The following ZNF813 variants were observed in gnomAD, a reference collection of about 807,000 sequenced individuals.
The protein encoded by ZNF813 is zinc finger protein 813.
Under a neutral mutation model 7.2 loss-of-function variants are expected in ZNF813, and 3 were observed. The observed-to-expected ratio is 0.42, with a 90% CI of 0.19 to 1.08. ZNF813 has a LOEUF of 1.08. ZNF813 is among the 50% of genes least tolerant of loss of function. The pLI is 0.30. For synonymous variants in ZNF813, 227 were observed against 256.3 expected (o/e 0.89, Z 1.09); for missense variants, 714 against 753.3 (o/e 0.95, Z 0.61).
At chr19:53,479,703 A>G in intron 1 of ZNF813, 3 of 1,152,344 alleles carry the variant, frequency 2.6e-6, no homozygotes, top group Non-Finnish European at 3.9e-6. Flanking sequence ...CACATTGCAG[A>G]TGAGGCAGAT....
At chr19:53,467,888 C>T (rs2086335128) in intron 1 of ZNF813, 99 bp downstream of exon 1, 1 of 152,652 alleles carries the variant, frequency 6.6e-6, no homozygotes, top group African/African-American at 2.4e-5. Context: ...AAATTCTCAG[C>T]CGTCTTCCTT....
rs1377923137 is a variant in ZNF813 at position 53,496,239 on chromosome 19, AAAG to A, written c.*4154_*4156del. On this transcript the variant is annotated 3_prime_UTR_variant, in exon 4 of 4. Transcript: ENST00000396403. The stretch of plus-strand genomic sequence containing the variant: ...GTGAGACTTTTCATTTCAAAATAAA[AAAG>A]GCAAATGATGTAATTGCATAGAGTA... 6.5e-6 allele frequency: 1 copy of A among 153,362 alleles called. No homozygotes were observed. The highest frequency in any genetic ancestry group is 1.5e-5 in the Non-Finnish European group (1 of 68,860). The allele number at this position is 153,362 out of a possible 1,614,324, so 9.5% of individuals were successfully genotyped here.
At chr19:53,488,352 G>T in intron 3 of ZNF813, 3 of 412,330 alleles carry the variant, frequency 7.3e-6, no homozygotes, top group South Asian at 5.1e-5. Context: ...CTTTACTGGA[G>T]AACTTTATAT....
chr19:53,485,978 A>G (rs994538717), intron 2 of ZNF813, among the ~76,000 whole-genome samples: 3 of 152,102 alleles, frequency 2.0e-5, no homozygotes, highest in African/African-American at 7.2e-5. Context: ...GGATCATTGC[A>G]ACCTCTGCCT....
In ZNF813 at chr19:53,491,433, C is replaced by T. The variant is rs200407891; in HGVS notation, c.1201C>T (p.His401Tyr). 1 of 1,614,086 alleles carries T rather than the reference C, an allele frequency of 6.2e-7. No homozygotes were observed. Among genetic ancestry groups the T allele is most frequent in the East Asian group, 2.2e-5 (1 of 44,870 alleles). Residue 401 changes from histidine (H) to tyrosine (Y), a missense_variant, in exon 4 of 4, where the codon CAT becomes TAT. Physicochemically the swap from His to Tyr is moderately conservative, Grantham distance 83. Around this residue, in one of 3 missense-constraint regions of ZNF813, gnomAD observed 563 missense variants for 554.2 expected, o/e 1.02. Coordinates refer to ENST00000396403, the MANE Select transcript of ZNF813 (RefSeq NM_001004301.4). ...CAGTCAGGAGTTAACCCTTAAATGC[C>T]ATCGTAGACTTCATACCGGAGAGAA... ...TFSQELTLKC[H>Y]RRLHTGEKPY...
rs573487314 is a variant in ZNF813, at chr19:53,494,597, T to G, written c.*2511T>G. 5 of 151,110 alleles carry G rather than the reference T, an allele frequency of 3.3e-5. No individual in the cohort carries two copies. The South Asian group carries it at 1.0e-3, about 32-fold the overall frequency. The allele number at this position is 151,110 out of a possible 1,614,324, so 9.4% of individuals were successfully genotyped here. On this transcript the variant is annotated 3_prime_UTR_variant, in exon 4 of 4. Coordinates refer to ENST00000396403, the MANE Select transcript of ZNF813 (RefSeq NM_001004301.4). The stretch of plus-strand genomic sequence containing the variant: ...GGCAGAGATTGCTGTGAGCCGAGAT[T>G]GCACCATTGCACTCCAGCCTGGTCA...
intron 3 of ZNF813, among the ~76,000 whole-genome samples, chr19:53,487,079 G>A (rs2086438258): frequency 6.7e-6 from 1 of 150,302 alleles, no homozygotes; most frequent in East Asian, 2.0e-4. Flanking sequence ...AGCCTCCTGA[G>A]TAACTGGGAT....
Position 53,490,992 on chromosome 19 carries a change from C to G in ZNF813, c.760C>G (p.Arg254Gly). Residue 254 changes from arginine (R) to glycine (G), a missense_variant, in exon 4 of 4, where the codon CGG (arginine) becomes GGG (glycine). By Grantham distance (125) the Arg-to-Gly change is moderately radical. Around this residue, in one of 3 missense-constraint regions of ZNF813, gnomAD observed 563 missense variants for 554.2 expected, o/e 1.02. Transcript: ENST00000396403. ...KCDVCGKVFN[R>G]KRNLVCHRRC... ...TGATGTATGTGGCAAGGTCTTTAAT[C>G]GGAAGCGAAACCTAGTGTGCCATCG... is the stretch of plus-strand genomic sequence containing the variant. The G allele has an allele frequency of 6.2e-7, 1 of 1,614,110 alleles. No individual in the cohort carries two copies. Among genetic ancestry groups the G allele is most frequent in the Non-Finnish European group, 8.5e-7 (1 of 1,180,014 alleles).
intron 1 of ZNF813, among the ~76,000 whole-genome samples, chr19:53,475,380 G>C (rs1160622116): frequency 6.6e-6 from 1 of 152,278 alleles, no homozygotes; most frequent in Admixed American, 6.5e-5. Flanking sequence ...TGAAGTACTT[G>C]ACATCTGGGT....
chr19:53,490,766 A>C lies in ZNF813; in HGVS notation c.534A>C (p.Gln178His). 1 of 1,614,208 alleles carries C rather than the reference A, an allele frequency of 6.2e-7. No individual in the cohort carries two copies. The highest frequency in any genetic ancestry group is 8.5e-7 in the Non-Finnish European group (1 of 1,180,032). ...INDASSISTS[Q>H]RISCRPKTHI... is the part of the protein sequence containing the mutation. ...ATGCTTCCTCAATTTCAACATCCCA[A>C]AGAATTTCTTGTAGGCCCAAAACCC... The change falls in exon 4 of 4, where the codon CAA (glutamine) becomes CAC (histidine). Residue 178 changes from glutamine (Q) to histidine (H), a missense_variant. By Grantham distance (24) the Gln-to-His change is conservative (BLOSUM62 0). Coordinates refer to ENST00000396403, the MANE Select transcript of ZNF813 (RefSeq NM_001004301.4).
intron 3 of ZNF813, among the ~76,000 whole-genome samples, chr19:53,487,797 C>CAAAAAA (rs35942754): frequency 4.6e-5 from 6 of 130,068 alleles, no homozygotes; most frequent in Admixed American, 1.6e-4. Context: ...GACTCTGTCT[C>CAAAAAA]AAAAAAAAAA....
chr19:53,488,716 GC>G (rs1261254285), intron 3 of ZNF813, among the ~76,000 whole-genome samples: 2 of 151,952 alleles, frequency 1.3e-5, no homozygotes, highest in Non-Finnish European at 2.9e-5. Context: ...ACCGCGCCCA[GC>G]CGTTAGTCAA....
rs1568432908 is a variant in ZNF813, at chr19:53,491,171, C to T, written c.939C>T (p.Asn313=). The change falls in exon 4 of 4, where the codon AAC becomes AAT. Residue 313 remains asparagine, a synonymous_variant. Coordinates refer to ENST00000396403, the MANE Select transcript of ZNF813 (RefSeq NM_001004301.4). ...ACAAAGCTTTCAGTTTCAAATCAAA[C>T]CTTAAAAGACATAGGAGAATTCATG... The part of the protein sequence containing the change: ...ECDKAFSFKS[N]LKRHRRIHAG... The T allele has an allele frequency of 6.2e-7, 1 of 1,613,846 alleles. No individual in the cohort carries two copies.
At chr19:53,471,805 G>T (rs2086360541) in intron 1 of ZNF813, among the ~76,000 whole-genome samples, 1 of 29,498 alleles carries the variant, frequency 3.4e-5, no homozygotes, top group Non-Finnish European at 6.0e-5. Context: ...GAGTGAGACT[G>T]TCTCAAAAAA....
chr19:53,473,294 T>C (rs1232620282), intron 1 of ZNF813, among the ~76,000 whole-genome samples: 1 of 152,082 alleles, frequency 6.6e-6, no homozygotes, highest in Non-Finnish European at 1.5e-5. Context: ...GAGCAGGGCT[T>C]GTCCCCTCCA....
intron 3 of ZNF813, chr19:53,488,315 G>A (rs1217799469): frequency 2.2e-6 from 1 of 445,908 alleles, no homozygotes; most frequent in Non-Finnish European, 4.5e-6. Flanking sequence ...GAACCACCGC[G>A]CCCTGCCTGT....
At chr19:53,469,298 CA>C (rs1369205568) in intron 1 of ZNF813, among the ~76,000 whole-genome samples, 1 of 152,136 alleles carries the variant, frequency 6.6e-6, no homozygotes, top group Non-Finnish European at 1.5e-5. Context: ...CACAAAGTAA[CA>C]GTCTGATTTC....
chr19:53,481,344 CTTTT>C lies in ZNF813; in HGVS notation c.-73-2390_-73-2387del, dbSNP rs66842546. On this transcript the variant is annotated intron_variant, in intron 1 of 3. Transcript: ENST00000396403. ...GCTATTCTAAAAGCACCCATGTATT[CTTTT>C]TTTTTTTTTTTTTTTGAGATGGAGT... Among the ~76,000 whole-genome samples the C allele has an allele frequency of 1.4e-4, 15 of 106,362 alleles. 1 individual carries two copies. The highest frequency in any genetic ancestry group is 2.8e-4 in the African/African-American group (7 of 24,666). 69.8% of individuals were successfully genotyped at this position (106,362 alleles called of 152,430 possible). A position where few individuals can be genotyped will look rare whatever the true frequency, so the allele number is the denominator to read the frequency against.
At position 53,467,747 on chromosome 19, in the gene ZNF813, A is replaced by C. The variant is rs2086334209; in HGVS notation, c.-116A>C. On this transcript the variant is annotated 5_prime_UTR_variant, in exon 1 of 4. Transcript: ENST00000396403. ...CTGTCCTGCGCGCAGATTCGCGAAA[A>C]CCCGGAAGCGGATCGCGTGGAGTGA... 5.6e-6 allele frequency: 1 copy of C among 177,722 alleles called. No individual in the cohort carries two copies. Among genetic ancestry groups the C allele is most frequent in the Non-Finnish European group, 1.2e-5 (1 of 81,096 alleles). The allele number at this position is 177,722 out of a possible 1,614,324, so 11.0% of individuals were successfully genotyped here.
Sources: gnomAD v4.1 joint callset for allele counts (sites outside exome capture counted in the v4.1 genomes callset) on GRCh38, gnomAD v4.1.1 for gene constraint, gnomAD v4.1.1 regional missense constraint, MANE v1.5 for transcripts, NCBI Gene and HGNC (gene_info 2026-07-23, HGNC 2026-07-21) for gene names.